The following COL17A1 variants were observed in gnomAD, a reference collection of about 807,000 sequenced individuals.
The protein encoded by COL17A1 is collagen alpha-1(XVII) chain.
COL17A1 carries 181 observed loss-of-function variants against 218.4 expected under a neutral mutation model. The ratio of observed to expected loss-of-function variants is 0.83; its 90% confidence interval spans 0.73 to 0.94. The LOEUF is 0.94. Ranked by LOEUF, COL17A1 falls within the 40% of genes least tolerant of loss-of-function variation. The pLI is 0.00. For missense variants in COL17A1, 1,924 were observed against 1,945.9 expected (o/e 0.99, Z 0.21); for synonymous variants, 721 against 731.0 (o/e 0.99, Z 0.22).
chr10:104,074,346 G>A, intron 5 of COL17A1, 115 bp from the exon 6 acceptor site: 3 of 1,442,990 alleles, frequency 2.1e-6, no homozygotes, highest in South Asian at 1.2e-5. Flanking sequence ...CAGTGTTTCA[G>A]GGGGGAATGA....
At chr10:104,036,142 A>G (rs9419968) in intron 48 of COL17A1, among the ~76,000 whole-genome samples, 16 of 70 alleles carry the variant, frequency 0.23, 8 homozygotes, top group South Asian at 0.5. Flanking sequence ...ATGTGTGTGT[A>G]TGGGTGTATG....
Position 104,053,085 on chromosome 10 carries a change from T to A in COL17A1, c.1885A>T (p.Met629Leu). The A allele has an allele frequency of 6.2e-7, 1 of 1,614,002 alleles. No homozygotes were observed. Among genetic ancestry groups the A allele is most frequent in the Non-Finnish European group, 8.5e-7 (1 of 1,180,026 alleles). ...GGCCCTGCCTCACCACGAGGTCCCA[T>A]GGGGCCTTCTCGCCCTCTCTGGCCC... ...PMGQRGREGP[M>L]GPRGEAGPPG... is the part of the protein sequence containing the mutation. The change falls in exon 23 of 56, where the codon ATG becomes TTG. Residue 629 changes from methionine to leucine, a missense_variant. Transcript: ENST00000648076.
chr10:104,036,077 A>AGTGAGTGT, intron 48 of COL17A1, among the ~76,000 whole-genome samples: 1 of 44,754 alleles, frequency 2.2e-5, no homozygotes. Flanking sequence ...TGTGTATGGG[A>AGTGAGTGT]GTGTGTATGG....
Position 104,072,062 on chromosome 10 carries a change from G to T in COL17A1, c.433C>A (p.Arg145=). ...SQTRESEIRV[R]LQSASPSTRW... ...GTGGATGGGGACGCACTCTGCAGTC[G>T]AACTCGAATTTCACTCTCTGTACAA... The change falls in exon 8 of 56, where the codon CGA becomes AGA. Residue 145 remains arginine, a synonymous_variant. Coordinates refer to ENST00000648076, the MANE Select transcript of COL17A1 (RefSeq NM_000494.4). 1 of 1,614,030 alleles carries T rather than the reference G, an allele frequency of 6.2e-7. No individual in the cohort carries two copies.
At chr10:104,059,519 G>T in intron 15 of COL17A1, 119 bp downstream of exon 15, 1 of 873,204 alleles carries the variant, frequency 1.1e-6, no homozygotes, top group Non-Finnish European at 1.9e-6. Flanking sequence ...CACACTCCCA[G>T]GTGTGGCTGA....
chr10:104,075,799 G>A (rs1329430787), intron 5 of COL17A1, among the ~76,000 whole-genome samples: 1 of 152,206 alleles, frequency 6.6e-6, no homozygotes. Context: ...TTATGCTGCT[G>A]CTCCCACAGC....
At chr10:104,083,513 G>T (rs947594505) in intron 1 of COL17A1, among the ~76,000 whole-genome samples, 1 of 152,138 alleles carries the variant, frequency 6.6e-6, no homozygotes, top group African/African-American at 2.4e-5. Context: ...TTTTTGTGAA[G>T]GTGTAAAAAT....
intron 12 of COL17A1, 112 bp from the exon 13 acceptor site, chr10:104,061,585 T>C: frequency 1.2e-6 from 1 of 841,158 alleles, no homozygotes; most frequent in South Asian, 1.4e-5. Flanking sequence ...GAGAAGCAGA[T>C]GATGAATCAA....
chr10:104,035,546 C>A lies in COL17A1; in HGVS notation c.3436G>T (p.Gly1146Trp), dbSNP rs1447060048. 3.7e-6 allele frequency: 6 copies of A among 1,613,446 alleles called. No homozygotes were observed. The highest frequency in any genetic ancestry group is 5.1e-6 in the Non-Finnish European group (6 of 1,179,800). ...SYMSSSGISI[G>W]LPGPPGPPGL... is the part of the protein sequence containing the mutation. ...GGGGGCCCCGGGGGACCAGGAAGCC[C>A]AATGCTGATCCCAGAACCTAGGGAG... The change falls in exon 49 of 56, where the codon GGG becomes TGG. Residue 1146 changes from glycine to tryptophan, a missense_variant. By Grantham distance (184) the Gly-to-Trp change is radical (BLOSUM62 -2). Coordinates refer to ENST00000648076, the MANE Select transcript of COL17A1 (RefSeq NM_000494.4).
intron 5 of COL17A1, among the ~76,000 whole-genome samples, chr10:104,075,497 C>T (rs1329681908): frequency 6.6e-6 from 1 of 152,186 alleles, no homozygotes; most frequent in African/African-American, 2.4e-5. Flanking sequence ...CCATCATTAC[C>T]AACCTGGTCC....
chr10:104,083,057 T>C (rs2086778590), intron 1 of COL17A1, among the ~76,000 whole-genome samples: 1 of 152,190 alleles, frequency 6.6e-6, no homozygotes, highest in Admixed American at 6.5e-5. Flanking sequence ...AGGTGCCAGG[T>C]ACGTGTTGGG....
In COL17A1 at chr10:104,034,669, C is replaced by G; in HGVS notation, c.3718G>C (p.Ala1240Pro). 3 of 1,610,544 alleles carry G rather than the reference C, an allele frequency of 1.9e-6. No individual in the cohort carries two copies. Among genetic ancestry groups the G allele is most frequent in the Non-Finnish European group, 8.5e-7 (1 of 1,178,738 alleles). The change falls in exon 51 of 56, where the codon GCT (alanine) becomes CCT (proline). Residue 1240 changes from alanine (A) to proline (P), a missense_variant. Physicochemically the swap from Ala to Pro is conservative, Grantham distance 27. Coordinates refer to ENST00000648076, the MANE Select transcript of COL17A1 (RefSeq NM_000494.4). ...GVSGALATYA[A>P]ENSDSFRSEL... ...CTCCGGAAGCTGTCGCTGTTTTCAG[C>G]TGCATAGGTTGCCAGGGCTCCTGAG...
At chr10:104,064,408 G>A (rs531969465) in intron 10 of COL17A1, 30 bp downstream of exon 10, 4 of 1,613,732 alleles carry the variant, frequency 2.5e-6, no homozygotes, top group East Asian at 4.5e-5. Flanking sequence ...GTTCAGGGGT[G>A]AGAGAGGGTG....
chr10:104,080,525 GT>G (rs1236632417), intron 2 of COL17A1, 96 bp downstream of exon 2: 1 of 1,388,858 alleles, frequency 7.2e-7, no homozygotes, highest in African/African-American at 1.4e-5. Context: ...TGATACAGTG[GT>G]TGTGGTAGAA....
Position 104,040,117 on chromosome 10 carries a change from T to C in COL17A1, c.2762-118A>G, listed in dbSNP as rs529817256. The C allele has an allele frequency of 2.3e-5, 28 of 1,217,894 alleles. No individual in the cohort carries two copies. The Admixed American group carries it at 4.1e-4, about 18-fold the overall frequency. The allele number at this position is 1,217,894 out of a possible 1,614,324, so 75.4% of individuals were successfully genotyped here. A position where few individuals can be genotyped will look rare whatever the true frequency, so the allele number is the denominator to read the frequency against. On this transcript the variant is annotated intron_variant, in intron 40 of 55. Coordinates refer to ENST00000648076, the MANE Select transcript of COL17A1 (RefSeq NM_000494.4). ...CTAGAGCAGATATAGAACTTGGGGT[T>C]CCTTGTGCCTCTCCTCTCACTAGGC... is the stretch of plus-strand genomic sequence containing the variant.
At chr10:104,073,836 G>T (rs563575586) in intron 6 of COL17A1, 83 of 326,848 alleles carry the variant, frequency 2.5e-4, no homozygotes, top group Admixed American at 1.5e-3. Flanking sequence ...TGTTCTACTC[G>T]CTGCTCTGCT....
At position 104,046,734 on chromosome 10, in the gene COL17A1, T is replaced by A. The variant is rs753710873; in HGVS notation, c.2362+13A>T. ...GGTGGGAGACAGCAGGTGGGAATGA[T>A]CCAGCGACTCACCCTGAGGTCCCTG... On this transcript the variant is annotated intron_variant, in intron 32 of 55. Coordinates refer to ENST00000648076, the MANE Select transcript of COL17A1 (RefSeq NM_000494.4). The A allele has an allele frequency of 6.2e-7, 1 of 1,613,710 alleles. No individual in the cohort carries two copies. The highest frequency in any genetic ancestry group is 1.1e-5 in the South Asian group (1 of 91,036).
Position 104,076,438 on chromosome 10 carries a change from G to A in COL17A1, c.203-9C>T. 5.6e-6 allele frequency: 9 copies of A among 1,613,928 alleles called. No individual in the cohort carries two copies. The highest frequency in any genetic ancestry group is 4.0e-5 in the African/African-American group (3 of 75,050). ...GCCTCGTGTGCTTCCAGCTGCAAGAGGGAAAAAGCATAAGTTCTCAGTGCT... is the reference window on the plus strand; with the variant it reads ...GCCTCGTGTGCTTCCAGCTGCAAGAAGGAAAAAGCATAAGTTCTCAGTGCT... On this transcript the variant is annotated splice_polypyrimidine_tract_variant and intron_variant, in intron 4 of 55. Coordinates refer to ENST00000648076, the MANE Select transcript of COL17A1 (RefSeq NM_000494.4).
chr10:104,041,985 G>A (rs1326584067), intron 36 of COL17A1, among the ~76,000 whole-genome samples: 1 of 152,176 alleles, frequency 6.6e-6, no homozygotes, highest in East Asian at 1.9e-4. Flanking sequence ...CACAGTGATA[G>A]CTCAGAGTGA....
Sources: allele counts gnomAD v4.1 joint callset (sites outside exome capture counted in the v4.1 genomes callset), GRCh38; gene constraint gnomAD v4.1.1; transcripts MANE v1.5; gene names NCBI Gene and HGNC (gene_info 2026-07-23, HGNC 2026-07-21).